The following AGK variants were observed in gnomAD, a reference collection of about 807,000 sequenced individuals.
The protein encoded by AGK is acylglycerol kinase.
A neutral mutation model predicts 66.4 loss-of-function variants in AGK; 52 were observed. The ratio of observed to expected loss-of-function variants is 0.78; its 90% confidence interval spans 0.63 to 0.99. The LOEUF (loss-of-function observed/expected upper bound fraction) is 0.99, where lower values mean the gene tolerates loss of function less well. Ranked by LOEUF, AGK falls within the 50% of genes least tolerant of loss-of-function variation. The pLI, the probability that AGK is intolerant of heterozygous loss-of-function variation, is 0.00. For missense variants in AGK, 451 were observed against 506.6 expected, an observed-to-expected ratio of 0.89 and a Z score of 1.05; for synonymous variants, 182 against 181.1, an observed-to-expected ratio of 1.00 and a Z score of -0.04.
In AGK at chr7:141,601,001, T is replaced by A. The variant is rs1796328745; in HGVS notation, c.222-204T>A. The stretch of plus-strand genomic sequence containing the variant: ...TTATTGCATTAGATAAACAGCAAAT[T>A]CTCAAAGGCCCCAGAGTTTAAGGTT... On this transcript the variant is annotated intron_variant, in intron 4 of 15. Coordinates refer to ENST00000649286, the MANE Select transcript of AGK (RefSeq NM_018238.4). Among the ~76,000 whole-genome samples, 3 of 152,162 alleles carry A rather than the reference T, an allele frequency of 2.0e-5. No homozygotes were observed. The South Asian group carries it at 6.2e-4, about 31-fold the overall frequency.
intron 5 of AGK, among the ~76,000 whole-genome samples, chr7:141,604,403 T>TATATATATATATACAC (rs1301537652): frequency 1.7e-4 from 24 of 141,500 alleles, no homozygotes; most frequent in African/African-American, 6.0e-4. Context: ...TATATATATA[T>TATATATATATATACAC]ACACATACAT....
intron 2 of AGK, among the ~76,000 whole-genome samples, chr7:141,569,168 T>C (rs1304687540): frequency 6.6e-6 from 1 of 152,192 alleles, no homozygotes; most frequent in Admixed American, 6.5e-5. Context: ...TTAGAAGTAG[T>C]AAAATTAAAT....
intron 4 of AGK, 30 bp downstream of exon 4, chr7:141,596,671 T>C: frequency 6.3e-7 from 1 of 1,595,892 alleles, no homozygotes; most frequent in Non-Finnish European, 8.6e-7. Flanking sequence ...GTTATATACT[T>C]GCTTTTTCTA....
At chr7:141,553,907 CAGAT>C (rs1429936247) in intron 1 of AGK, among the ~76,000 whole-genome samples, 3 of 151,912 alleles carry the variant, frequency 2.0e-5, no homozygotes, top group African/African-American at 4.8e-5. Context: ...ACCTCACTAA[CAGAT>C]AGTCATAAAA....
chr7:141,560,080 C>G (rs1459249969), intron 2 of AGK, among the ~76,000 whole-genome samples: 1 of 151,100 alleles, frequency 6.6e-6, no homozygotes, highest in East Asian at 1.9e-4. Flanking sequence ...ATTTCTTTTT[C>G]TTGCCTCATT....
chr7:141,552,827 CAG>C (rs1385572871), intron 1 of AGK, among the ~76,000 whole-genome samples: 2 of 152,150 alleles, frequency 1.3e-5, no homozygotes, highest in Non-Finnish European at 2.9e-5. Context: ...CACAGGTACA[CAG>C]AGAAGAATCA....
intron 2 of AGK, among the ~76,000 whole-genome samples, chr7:141,571,474 A>T (rs1795605888): frequency 6.6e-6 from 1 of 152,266 alleles, no homozygotes; most frequent in African/African-American, 2.4e-5. Flanking sequence ...TGGAGCCATA[A>T]TTAGATTCCA....
chr7:141,577,706 G>A (rs1354669994), intron 2 of AGK, among the ~76,000 whole-genome samples: 1 of 151,960 alleles, frequency 6.6e-6, no homozygotes, highest in Non-Finnish European at 1.5e-5. Context: ...ACCCCAGTGT[G>A]CACTCCACCC....
At chr7:141,593,613 T>C (rs1796168395) in intron 3 of AGK, 2 of 538,680 alleles carry the variant, frequency 3.7e-6, no homozygotes, top group Non-Finnish European at 3.3e-6. Flanking sequence ...AAAGCTCATC[T>C]CCAAGTTCAA....
At chr7:141,569,670 C>G (rs1316247385) in intron 2 of AGK, among the ~76,000 whole-genome samples, 1 of 152,202 alleles carries the variant, frequency 6.6e-6, no homozygotes, top group Admixed American at 6.5e-5. Context: ...TTATTAATCT[C>G]ATACTCATGT....
chr7:141,585,861 C>T (rs1385200284), intron 2 of AGK, among the ~76,000 whole-genome samples: 1 of 152,186 alleles, frequency 6.6e-6, no homozygotes, highest in Non-Finnish European at 1.5e-5. Flanking sequence ...AAAGAACCTG[C>T]ATTTTAATAC....
chr7:141,651,555 C>A lies in AGK; in HGVS notation c.1077C>A (p.His359Gln). The A allele has an allele frequency of 6.2e-7, 1 of 1,614,204 alleles. No individual in the cohort carries two copies. The highest frequency in any genetic ancestry group is 8.5e-7 in the Non-Finnish European group (1 of 1,180,032). The part of the protein sequence containing the change: ...GSRKVRNPKL[H>Q]VEGTECLQAS... The stretch of plus-strand genomic sequence containing the variant: ...GAAAGGTGAGAAACCCCAAGCTGCA[C>A]GTGGAGGGCACGGAGTGTCTCCAAG... The change falls in exon 15 of 16, where the codon CAC (histidine) becomes CAA (glutamine). Residue 359 changes from histidine (H) to glutamine (Q), a missense_variant. His to Gln is a conservative substitution (Grantham distance 24, BLOSUM62 0). Coordinates refer to ENST00000649286, the MANE Select transcript of AGK (RefSeq NM_018238.4).
chr7:141,565,449 G>A (rs1001330651), intron 2 of AGK, among the ~76,000 whole-genome samples: 1 of 152,020 alleles, frequency 6.6e-6, no homozygotes. Flanking sequence ...TCAGGAGTTC[G>A]AGACCAGCCT....
At chr7:141,576,678 AAG>A (rs1219227848) in intron 2 of AGK, among the ~76,000 whole-genome samples, 1 of 151,504 alleles carries the variant, frequency 6.6e-6, no homozygotes, top group East Asian at 1.9e-4. Flanking sequence ...ATCAAAGAAT[AAG>A]AGAGCTGAAC....
chr7:141,621,826 A>G, intron 9 of AGK, 25 bp downstream of exon 9: 1 of 1,535,918 alleles, frequency 6.5e-7, no homozygotes, highest in African/African-American at 1.4e-5. Flanking sequence ...CACATATTGG[A>G]AAAATTGTGA....
At chr7:141,636,144 T>A (rs1350560160) in intron 10 of AGK, among the ~76,000 whole-genome samples, 1 of 152,228 alleles carries the variant, frequency 6.6e-6, no homozygotes, top group Non-Finnish European at 1.5e-5. Context: ...GATTTAACAT[T>A]TGCCATTTTA....
At chr7:141,578,498 A>C (rs1396794203) in intron 2 of AGK, among the ~76,000 whole-genome samples, 1 of 151,716 alleles carries the variant, frequency 6.6e-6, no homozygotes, top group Non-Finnish European at 1.5e-5. Flanking sequence ...TATATTAATA[A>C]GAAAAATAAC....
At chr7:141,559,047 A>G (rs1473125032) in intron 2 of AGK, among the ~76,000 whole-genome samples, 2 of 152,118 alleles carry the variant, frequency 1.3e-5, no homozygotes, top group South Asian at 2.1e-4. Context: ...TTTTCAATAT[A>G]TTGTCTCCTA....
At chr7:141,572,114 G>A (rs1157500350) in intron 2 of AGK, among the ~76,000 whole-genome samples, 1 of 152,226 alleles carries the variant, frequency 6.6e-6, no homozygotes, top group African/African-American at 2.4e-5. Flanking sequence ...AAATCCAGCT[G>A]ATGGAAGGCT....
Sources: gnomAD v4.1 joint callset for allele counts (sites outside exome capture counted in the v4.1 genomes callset) on GRCh38, gnomAD v4.1.1 for gene constraint, MANE v1.5 for transcripts, NCBI Gene and HGNC (gene_info 2026-07-23, HGNC 2026-07-21) for gene names.